Variants in ANTXR2 observed in about 807,000 individuals in gnomAD.
ANTXR2 encodes anthrax toxin receptor 2.
ANTXR2 carries 44 observed loss-of-function variants against 73.7 expected under a neutral mutation model. The observed-to-expected ratio is 0.60, with a 90% CI of 0.47 to 0.77. The LOEUF is 0.77. Ranked by LOEUF, ANTXR2 falls within the 30% of genes least tolerant of loss-of-function variation. The probability of loss-of-function intolerance (pLI) is 0.00; values close to 1 mark genes in which losing one functional copy is unlikely to be tolerated. For synonymous variants in ANTXR2, 217 were observed against 205.9 expected (o/e 1.05, Z -0.46); for missense variants, 604 against 592.5 (o/e 1.02, Z -0.20).
rs367773536 is a variant in ANTXR2 at position 79,907,808 on chromosome 4, A to T, written c.1429-341T>A. On this transcript the variant is annotated intron_variant, in intron 16 of 16. Transcript: ENST00000403729. ...ATACTTCTTTATGTAATGAATTAAAATGAAAATATTTTCTTATGCAAGCTG... is the reference window on the plus strand; with the variant it reads ...ATACTTCTTTATGTAATGAATTAAATTGAAAATATTTTCTTATGCAAGCTG... 5.3e-5 allele frequency among the ~76,000 whole-genome samples: 8 copies of T among 152,356 alleles called. No homozygotes were observed. The East Asian group carries it at 9.6e-4, about 18-fold the overall frequency.
At chr4:79,908,626 T>C (rs1441089777) in intron 16 of ANTXR2, among the ~76,000 whole-genome samples, 2 of 152,058 alleles carry the variant, frequency 1.3e-5, no homozygotes, top group Admixed American at 1.3e-4. Context: ...TTTTAAATAC[T>C]TTTGGAAGCA....
At chr4:80,023,148 A>G (rs554731726) in intron 10 of ANTXR2, among the ~76,000 whole-genome samples, 11 of 152,344 alleles carry the variant, frequency 7.2e-5, no homozygotes, top group African/African-American at 2.6e-4. Flanking sequence ...ATTAATTTCT[A>G]TTCTGCTCAC....
intron 12 of ANTXR2, among the ~76,000 whole-genome samples, chr4:79,985,548 G>C (rs1026542057): frequency 1.3e-5 from 2 of 152,022 alleles, no homozygotes; most frequent in Admixed American, 1.3e-4. Flanking sequence ...ACCTAGGCTG[G>C]GTGGTGAGAC....
chr4:80,014,721 T>G (rs977936190), intron 11 of ANTXR2, among the ~76,000 whole-genome samples: 1 of 152,194 alleles, frequency 6.6e-6, no homozygotes, highest in Non-Finnish European at 1.5e-5. Context: ...TCCTTTGAGA[T>G]GTAATCATCA....
At chr4:79,956,122 A>G (rs1728877148) in intron 16 of ANTXR2, among the ~76,000 whole-genome samples, 2 of 152,178 alleles carry the variant, frequency 1.3e-5, no homozygotes, top group African/African-American at 4.8e-5. Context: ...TATTCTGTAT[A>G]AACTTGCTGT....
chr4:80,020,946 A>T (rs1732128616), intron 10 of ANTXR2, among the ~76,000 whole-genome samples: 1 of 152,066 alleles, frequency 6.6e-6, no homozygotes, highest in Non-Finnish European at 1.5e-5. Context: ...CAGGAGATTG[A>T]GACCATCCTG....
chr4:79,966,434 A>C (rs1249194063), intron 16 of ANTXR2, among the ~76,000 whole-genome samples: 1 of 152,186 alleles, frequency 6.6e-6, no homozygotes, highest in Non-Finnish European at 1.5e-5. Context: ...TCGTGCATAG[A>C]TAAAGCATTA....
intron 16 of ANTXR2, among the ~76,000 whole-genome samples, chr4:79,936,998 T>G (rs1017788173): frequency 2.0e-5 from 3 of 152,192 alleles, no homozygotes; most frequent in Non-Finnish European, 4.4e-5. Flanking sequence ...CATTCAATCA[T>G]TTTAAAGCAT....
chr4:80,067,023 G>A (rs1734532322), intron 3 of ANTXR2, among the ~76,000 whole-genome samples: 1 of 152,094 alleles, frequency 6.6e-6, no homozygotes, highest in South Asian at 2.1e-4. Context: ...GGCTAACACG[G>A]TGAAACCCCG....
At chr4:79,979,709 AG>A (rs1434156922) in intron 14 of ANTXR2, among the ~76,000 whole-genome samples, 1 of 152,192 alleles carries the variant, frequency 6.6e-6, no homozygotes, top group Non-Finnish European at 1.5e-5. Context: ...CTTTCTTTCC[AG>A]AGAAATGACC....
rs547319782 is a variant in ANTXR2 at position 79,910,537 on chromosome 4, A to C, written c.1429-3070T>G. On this transcript the variant is annotated intron_variant, in intron 16 of 16. Coordinates refer to ENST00000403729, the MANE Select transcript of ANTXR2 (RefSeq NM_058172.6). ...AAAAAAAAAAAGAAAAAAAAGAAAA[A>C]AAAAAAGAAAACAAAAACAAAAAAA... Among the ~76,000 whole-genome samples the C allele has an allele frequency of 4.2e-4, 64 of 151,634 alleles. 1 individual carries two copies. The East Asian group carries it at 0.011, about 26-fold the overall frequency.
At chr4:79,920,258 C>T (rs975615438) in intron 16 of ANTXR2, among the ~76,000 whole-genome samples, 5 of 151,904 alleles carry the variant, frequency 3.3e-5, no homozygotes, top group South Asian at 2.1e-4. Flanking sequence ...AAAATGCAAA[C>T]GATGTGTCTG....
intron 16 of ANTXR2, among the ~76,000 whole-genome samples, chr4:79,945,008 G>A (rs571586719): frequency 5.7e-4 from 86 of 152,120 alleles, no homozygotes; most frequent in African/African-American, 1.9e-3. Flanking sequence ...AATATTACCC[G>A]AATTATTTAA....
chr4:79,924,011 T>C (rs893913130), intron 16 of ANTXR2, among the ~76,000 whole-genome samples: 2 of 152,106 alleles, frequency 1.3e-5, no homozygotes, highest in African/African-American at 4.8e-5. Flanking sequence ...TAATTGTAGA[T>C]TTGGGGAGTA....
At chr4:79,922,482 A>T (rs917681669) in intron 16 of ANTXR2, among the ~76,000 whole-genome samples, 5 of 152,120 alleles carry the variant, frequency 3.3e-5, no homozygotes, top group Admixed American at 6.6e-5. Flanking sequence ...AGATATAATT[A>T]ATCCCTAAAA....
At position 79,907,165 on chromosome 4, in the gene ANTXR2, A is replaced by G; in HGVS notation, c.*264T>C. On this transcript the variant is annotated 3_prime_UTR_variant, in exon 17 of 17. Transcript: ENST00000403729. Reference sequence around the variant, plus strand: ...CTTTCTTGTACAAACCATAGTCTGCAGGTCAATGTTCCTCTTTATTTTCAA... The same window carrying G: ...CTTTCTTGTACAAACCATAGTCTGCGGGTCAATGTTCCTCTTTATTTTCAA... 1.9e-6 allele frequency: 1 copy of G among 520,742 alleles called. No individual in the cohort carries two copies. The highest frequency in any genetic ancestry group is 2.6e-5 in the South Asian group (1 of 38,382). The allele number at this position is 520,742 out of a possible 1,614,324, so 32.3% of individuals were successfully genotyped here.
chr4:79,973,652 C>T (rs1392641336), intron 16 of ANTXR2, among the ~76,000 whole-genome samples: 2 of 152,180 alleles, frequency 1.3e-5, no homozygotes, highest in East Asian at 1.9e-4. Context: ...TAGTCTCCAA[C>T]TCCTGGCCTC....
chr4:79,953,073 C>T (rs1421908930), intron 16 of ANTXR2, among the ~76,000 whole-genome samples: 1 of 152,024 alleles, frequency 6.6e-6, no homozygotes, highest in African/African-American at 2.4e-5. Context: ...GAGGTGTCTA[C>T]CACAGGACCT....
intron 16 of ANTXR2, among the ~76,000 whole-genome samples, chr4:79,975,774 T>C (rs889456106): frequency 1.3e-5 from 2 of 152,264 alleles, no homozygotes; most frequent in African/African-American, 4.8e-5. Context: ...GATACAAATG[T>C]CATTATGAAG....
Sources: gnomAD v4.1 joint callset for allele counts (sites outside exome capture counted in the v4.1 genomes callset) on GRCh38, gnomAD v4.1.1 for gene constraint, MANE v1.5 for transcripts, NCBI Gene and HGNC (gene_info 2026-07-23, HGNC 2026-07-21) for gene names.